The following PRKD1 variants were observed in gnomAD, a reference collection of about 807,000 sequenced individuals.
PRKD1 encodes the protein serine/threonine-protein kinase D1.
Under a neutral mutation model 95.9 loss-of-function variants are expected in PRKD1, and 63 were observed. The observed-to-expected ratio is 0.66, with a 90% CI of 0.54 to 0.81. The LOEUF (loss-of-function observed/expected upper bound fraction) is 0.81. PRKD1 is among the 30% of genes least tolerant of loss of function. The pLI, the probability that PRKD1 is intolerant of heterozygous loss-of-function variation, is 0.00. For synonymous variants in PRKD1, 425 were observed against 423.1 expected, an observed-to-expected ratio of 1.00 and a Z score of -0.05; for missense variants, 1,048 against 1,165.3, an observed-to-expected ratio of 0.90 and a Z score of 1.47.
rs1408656287 is a variant in PRKD1, at chr14:29,630,760, T to G, written c.1654A>C (p.Thr552Pro). ...GACTCACTGTGCAAGTTGGTTCCTG[T>G]ACCCACGGAGGAGCCCTTGGGAATG... ...PVIPKGSSVG[T>P]GTNLHRDISV... The change falls in exon 10 of 18, where the codon ACA becomes CCA. Residue 552 changes from threonine to proline, a missense_variant. By Grantham distance (38) the Thr-to-Pro change is conservative. Coordinates refer to ENST00000331968, the MANE Select transcript of PRKD1 (RefSeq NM_002742.3). The G allele has an allele frequency of 6.2e-7, 1 of 1,614,054 alleles. No individual in the cohort carries two copies. The highest frequency in any genetic ancestry group is 2.2e-5 in the East Asian group (1 of 44,862).
intron 4 of PRKD1, among the ~76,000 whole-genome samples, chr14:29,646,530 A>T (rs80006569): frequency 0.035 from 4,392 of 124,680 alleles, 212 homozygotes; most frequent in African/African-American, 0.15. Flanking sequence ...GTACTCACAA[A>T]AATTAGATAG....
At chr14:29,892,967 TA>T (rs1893991892) in intron 1 of PRKD1, among the ~76,000 whole-genome samples, 1 of 152,198 alleles carries the variant, frequency 6.6e-6, no homozygotes, top group African/African-American at 2.4e-5. Context: ...TTCATAAAGT[TA>T]AATTCCATTC....
intron 1 of PRKD1, among the ~76,000 whole-genome samples, chr14:29,801,624 T>C (rs1890033414): frequency 6.6e-6 from 1 of 151,784 alleles, no homozygotes; most frequent in African/African-American, 2.4e-5. Context: ...GTTTTGGTGG[T>C]CTTATATGAA....
Position 29,777,559 on chromosome 14 carries a change from A to T in PRKD1, c.265-51885T>A, listed in dbSNP as rs1427248669. The stretch of plus-strand genomic sequence containing the variant: ...AAAGAGACAAAGAAGGTCATTACAT[A>T]ATGGTAAAGGGATCAATTCAACAAG... On this transcript the variant is annotated intron_variant, in intron 1 of 17. Coordinates refer to ENST00000331968, the MANE Select transcript of PRKD1 (RefSeq NM_002742.3). Among the ~76,000 whole-genome samples the T allele has an allele frequency of 3.9e-5, 6 of 152,332 alleles. No homozygotes were observed. In the East Asian group the frequency reaches 1.2e-3, roughly 29 times the overall value.
intron 1 of PRKD1, among the ~76,000 whole-genome samples, chr14:29,823,968 C>T (rs1401111698): frequency 6.6e-6 from 1 of 152,106 alleles, no homozygotes; most frequent in Non-Finnish European, 1.5e-5. Context: ...CTTAGAAACA[C>T]CCCCTGTTCT....
intron 13 of PRKD1, among the ~76,000 whole-genome samples, chr14:29,612,485 A>G (rs1385118296): frequency 6.6e-6 from 1 of 152,200 alleles, no homozygotes; most frequent in Non-Finnish European, 1.5e-5. Flanking sequence ...AAACACTCCT[A>G]TGAAGGAAAT....
chr14:29,670,740 T>G (rs1305160496), intron 2 of PRKD1, among the ~76,000 whole-genome samples: 2 of 152,218 alleles, frequency 1.3e-5, no homozygotes. Flanking sequence ...GGTTGGTCAT[T>G]TTTTCCTGCT....
chr14:29,656,522 C>CA, intron 4 of PRKD1: 1 of 1,534,640 alleles, frequency 6.5e-7, no homozygotes, highest in Admixed American at 2.0e-5. Flanking sequence ...GTTGTAAGAG[C>CA]AAAAAGCAGG....
intron 1 of PRKD1, among the ~76,000 whole-genome samples, chr14:29,896,755 A>C (rs1594611038): frequency 6.6e-6 from 1 of 151,368 alleles, no homozygotes; most frequent in African/African-American, 2.4e-5. Flanking sequence ...GAGAGCAGGA[A>C]CCTCCTTGCC....
intron 1 of PRKD1, among the ~76,000 whole-genome samples, chr14:29,785,176 A>G (rs558917708): frequency 6.6e-6 from 1 of 152,202 alleles, no homozygotes; most frequent in South Asian, 2.1e-4. Context: ...GAGGCATAAA[A>G]CCCAACCTGC....
At chr14:29,577,549 C>T (rs1232203972) in intron 17 of PRKD1, 93 bp from the exon 18 acceptor site, 27 of 1,187,468 alleles carry the variant, frequency 2.3e-5, no homozygotes, top group Non-Finnish European at 2.8e-5. Context: ...TATGAGTTAC[C>T]CTTCTCCTTC....
At chr14:29,649,733 G>A (rs1881368270) in intron 4 of PRKD1, among the ~76,000 whole-genome samples, 1 of 152,170 alleles carries the variant, frequency 6.6e-6, no homozygotes, top group African/African-American at 2.4e-5. Flanking sequence ...TTCAGCATTT[G>A]AGGGGTTAAC....
intron 1 of PRKD1, among the ~76,000 whole-genome samples, chr14:29,754,119 C>G (rs1446585778): frequency 6.6e-6 from 1 of 152,136 alleles, no homozygotes; most frequent in Non-Finnish European, 1.5e-5. Context: ...CTTTTTGCAG[C>G]TTAACTGATG....
chr14:29,825,640 G>C (rs1891079901), intron 1 of PRKD1, among the ~76,000 whole-genome samples: 1 of 152,094 alleles, frequency 6.6e-6, no homozygotes. Context: ...GGTTTCAACT[G>C]CATTTTAGTC....
chr14:29,892,112 CT>C (rs924324725), intron 1 of PRKD1, among the ~76,000 whole-genome samples: 20 of 152,296 alleles, frequency 1.3e-4, no homozygotes, highest in African/African-American at 4.6e-4. Context: ...TCACATACTT[CT>C]TTGAGATTCC....
chr14:29,710,865 C>T (rs1012439075), intron 2 of PRKD1, among the ~76,000 whole-genome samples: 1 of 152,052 alleles, frequency 6.6e-6, no homozygotes, highest in Non-Finnish European at 1.5e-5. Flanking sequence ...ATTACTGAAA[C>T]CCTTGCTAGG....
At chr14:29,871,417 CTT>C (rs1326765932) in intron 1 of PRKD1, among the ~76,000 whole-genome samples, 1 of 152,184 alleles carries the variant, frequency 6.6e-6, no homozygotes, top group Non-Finnish European at 1.5e-5. Flanking sequence ...CTGCCAAAAA[CTT>C]TATTGCCAAA....
intron 10 of PRKD1, among the ~76,000 whole-genome samples, chr14:29,629,304 C>T (rs1463838313): frequency 6.6e-6 from 1 of 152,094 alleles, no homozygotes; most frequent in African/African-American, 2.4e-5. Flanking sequence ...AATATTTCAT[C>T]AATTTAGGGT....
chr14:29,605,815 T>C (rs1003342124), intron 13 of PRKD1, among the ~76,000 whole-genome samples: 6 of 152,210 alleles, frequency 3.9e-5, no homozygotes, highest in African/African-American at 1.4e-4. Flanking sequence ...CTTTAAGATC[T>C]CCATGGCTTT....
Sources: allele counts gnomAD v4.1 joint callset (sites outside exome capture counted in the v4.1 genomes callset), GRCh38; gene constraint gnomAD v4.1.1; transcripts MANE v1.5; gene names NCBI Gene and HGNC (gene_info 2026-07-23, HGNC 2026-07-21).